The following LGR6 variants were observed in gnomAD, a reference collection of about 807,000 sequenced individuals.
The protein encoded by LGR6 is leucine rich repeat containing G protein-coupled receptor 6.
In LGR6, 45 loss-of-function variants were observed where a neutral mutation model predicts 69.4. The observed-to-expected ratio is 0.65, with a 90% CI of 0.51 to 0.83. The LOEUF (loss-of-function observed/expected upper bound fraction) is 0.83, where lower values mean the gene tolerates loss of function less well. Ranked by LOEUF, LGR6 falls within the 40% of genes least tolerant of loss-of-function variation. LGR6 has a pLI of 0.00. For synonymous variants in LGR6, 538 were observed against 555.0 expected (o/e 0.97, Z 0.43); for missense variants, 1,108 against 1,246.7 (o/e 0.89, Z 1.68).
chr1:202,258,910 A>G (rs1664002926), intron 4 of LGR6, among the ~76,000 whole-genome samples: 1 of 152,064 alleles, frequency 6.6e-6, no homozygotes, highest in Non-Finnish European at 1.5e-5. Flanking sequence ...TTTTCTCATT[A>G]AGTCTGATAC....
intron 1 of LGR6, among the ~76,000 whole-genome samples, chr1:202,224,707 G>A (rs913460963): frequency 2.0e-5 from 3 of 152,200 alleles, no homozygotes; most frequent in African/African-American, 7.2e-5. Context: ...TGCTGCCTCG[G>A]CTGATCTGAC....
intron 3 of LGR6, among the ~76,000 whole-genome samples, chr1:202,235,046 A>G (rs1268198223): frequency 1.3e-5 from 2 of 152,176 alleles, no homozygotes; most frequent in Non-Finnish European, 1.5e-5. Context: ...TCTCTTGCTC[A>G]GGGCTCTGTG....
chr1:202,301,053 G>A (rs1667550270), intron 8 of LGR6, 111 bp from the exon 9 acceptor site: 1 of 1,334,806 alleles, frequency 7.5e-7, no homozygotes, highest in Admixed American at 1.8e-5. Context: ...GCCTTTCCCT[G>A]CATGTTCTTT....
chr1:202,235,291 G>A lies in LGR6; in HGVS notation c.357-631G>A, dbSNP rs75006042. The stretch of plus-strand genomic sequence containing the variant: ...CGTGGGGTTTTGGGACTTAGGTCCT[G>A]GTCCCCAGAGGACAGCTAGTGAGCA... On this transcript the variant is annotated intron_variant, in intron 3 of 17. Transcript: ENST00000367278. Among the ~76,000 whole-genome samples the A allele has an allele frequency of 3.6e-3, 553 of 152,282 alleles. 3 individuals carry two copies. The highest frequency in any genetic ancestry group is 0.012 in the African/African-American group (512 of 41,550).
rs958635265 is a variant in LGR6, at chr1:202,319,738, A to T, written c.*531A>T. ...AGAGATTCACAGTGCATGTTAGTGT[A>T]ATAAAGAGATAAGTCCTACAGTAGT... On this transcript the variant is annotated 3_prime_UTR_variant, in exon 18 of 18. Transcript: ENST00000367278. The T allele has an allele frequency of 5.9e-5, 9 of 153,502 alleles. No homozygotes were observed. The highest frequency in any genetic ancestry group is 1.9e-4 in the African/African-American group (8 of 41,476). 9.5% of individuals were successfully genotyped at this position (153,502 alleles called of 1,614,324 possible). A position where few individuals can be genotyped will look rare whatever the true frequency, so the allele number is the denominator to read the frequency against.
chr1:202,300,628 C>T (rs1330925616), intron 7 of LGR6, among the ~76,000 whole-genome samples: 1 of 151,162 alleles, frequency 6.6e-6, no homozygotes, highest in African/African-American at 2.4e-5. Flanking sequence ...TCATTGCACT[C>T]CAGCCTGGGT....
At chr1:202,304,988 C>G (rs1667878693) in intron 11 of LGR6, among the ~76,000 whole-genome samples, 1 of 152,186 alleles carries the variant, frequency 6.6e-6, no homozygotes, top group Non-Finnish European at 1.5e-5. Context: ...CTCTTGGGAT[C>G]TTGGGACTGT....
rs35998973 is a variant in LGR6 at position 202,266,106 on chromosome 1, T to TA, written c.429-10184dup. ...GGCTACCTAATAATACTTTCCAGATTAAAAAAAAAAAAAAAATAACAGGCA... is the reference window on the plus strand; with the variant it reads ...GGCTACCTAATAATACTTTCCAGATTAAAAAAAAAAAAAAAAATAACAGGCA... On this transcript the variant is annotated intron_variant, in intron 4 of 17. Transcript: ENST00000367278. Among the ~76,000 whole-genome samples, 206 of 143,906 alleles carry TA rather than the reference T, an allele frequency of 1.4e-3. 1 individual carries two copies. Among genetic ancestry groups the TA allele is most frequent in the East Asian group, 3.2e-3 (16 of 5,004 alleles). The allele number at this position is 143,906 out of a possible 152,430, so 94.4% of individuals were successfully genotyped here.
chr1:202,244,747 A>G (rs1662504840), intron 4 of LGR6, among the ~76,000 whole-genome samples: 2 of 152,160 alleles, frequency 1.3e-5, no homozygotes, highest in Admixed American at 6.5e-5. Context: ...GAAGTTGTAT[A>G]TCTTCTGGGG....
chr1:202,313,331 G>C (rs2148309383), intron 16 of LGR6, among the ~76,000 whole-genome samples: 1 of 152,246 alleles, frequency 6.6e-6, no homozygotes. Context: ...TCTCCCATTG[G>C]GGACTTTCTG....
In LGR6 at chr1:202,280,796, C is replaced by A; in HGVS notation, c.660C>A (p.Asn220Lys). Reference sequence around the variant, plus strand: ...TCCCGTGCAGGCATTTGCATAACAACCGCATCCAGCATCTGGGGACCCACA... The same window carrying A: ...TCCCGTGCAGGCATTTGCATAACAAACGCATCCAGCATCTGGGGACCCACA... ...TSLVVLHLHN[N>K]RIQHLGTHSF... is the part of the protein sequence containing the mutation. Residue 220 changes from asparagine to lysine, a missense_variant, in exon 6 of 18, where the codon AAC becomes AAA. Asn to Lys is a moderately conservative substitution (Grantham distance 94). Coordinates refer to ENST00000367278, the MANE Select transcript of LGR6 (RefSeq NM_001017403.2). 2 of 1,614,230 alleles carry A rather than the reference C, an allele frequency of 1.2e-6. No individual in the cohort carries two copies. Among genetic ancestry groups the A allele is most frequent in the Non-Finnish European group, 1.7e-6 (2 of 1,180,032 alleles).
chr1:202,222,408 G>A (rs763984810), intron 1 of LGR6, among the ~76,000 whole-genome samples: 29 of 152,132 alleles, frequency 1.9e-4, no homozygotes, highest in Admixed American at 3.9e-4. Flanking sequence ...TGGTGGGGCA[G>A]AGGGAGTGGG....
rs1219191815 is a variant in LGR6 at position 202,318,530 on chromosome 1, T to C, written c.2227T>C (p.Cys743Arg). The C allele has an allele frequency of 2.5e-6, 4 of 1,614,112 alleles. No individual in the cohort carries two copies. In the South Asian group the frequency reaches 3.3e-5, roughly 13 times the overall value. Residue 743 changes from cysteine (C) to arginine (R), a missense_variant, in exon 18 of 18, where the codon TGT becomes CGT. Transcript: ENST00000367278. ...TVALVMMNSF[C>R]FLVVAGAYIK... Reference sequence around the variant, plus strand: ...GGCCCTGGTGATGATGAACTCCTTCTGTTTCCTGGTCGTGGCCGGTGCCTA... The same window carrying C: ...GGCCCTGGTGATGATGAACTCCTTCCGTTTCCTGGTCGTGGCCGGTGCCTA...
At chr1:202,278,938 GT>G (rs1665799154) in intron 5 of LGR6, among the ~76,000 whole-genome samples, 1 of 152,138 alleles carries the variant, frequency 6.6e-6, no homozygotes, top group Non-Finnish European at 1.5e-5. Flanking sequence ...GTGTAATCTT[GT>G]CTCTTTATCT....
chr1:202,314,138 C>G (rs188187044), intron 16 of LGR6, among the ~76,000 whole-genome samples: 5 of 152,248 alleles, frequency 3.3e-5, no homozygotes, highest in Non-Finnish European at 5.9e-5. Flanking sequence ...TCATAATTTG[C>G]CTCGTTCTAC....
chr1:202,271,924 C>T (rs571364820), intron 4 of LGR6, among the ~76,000 whole-genome samples: 1 of 152,170 alleles, frequency 6.6e-6, no homozygotes, highest in African/African-American at 2.4e-5. Context: ...GTGGAGTCTC[C>T]CTCTAAGGGG....
chr1:202,202,417 C>G (rs1258246133), intron 1 of LGR6, among the ~76,000 whole-genome samples: 1 of 152,196 alleles, frequency 6.6e-6, no homozygotes, highest in Non-Finnish European at 1.5e-5. Context: ...TCCAGCCATC[C>G]CAAGGGATAG....
At chr1:202,241,460 T>C (rs1662194821) in intron 4 of LGR6, among the ~76,000 whole-genome samples, 1 of 152,158 alleles carries the variant, frequency 6.6e-6, no homozygotes, top group Non-Finnish European at 1.5e-5. Context: ...CAGCTGAATG[T>C]GGTACACAAA....
Position 202,318,112 on chromosome 1 carries a change from G to T in LGR6, c.1809G>T (p.Ala603=), listed in dbSNP as rs778001193. The change falls in exon 18 of 18, where the codon GCG becomes GCT. Residue 603 remains alanine, a synonymous_variant. Transcript: ENST00000367278. ...PLPPVKFVVG[A]IAGANTLTGI... ...CCCCGGTCAAGTTTGTGGTAGGTGC[G>T]ATTGCAGGCGCCAACACCTTGACTG... The T allele has an allele frequency of 6.2e-7, 1 of 1,614,132 alleles. No homozygotes were observed. The highest frequency in any genetic ancestry group is 8.5e-7 in the Non-Finnish European group (1 of 1,180,024).
Sources: gnomAD v4.1 joint callset for allele counts (sites outside exome capture counted in the v4.1 genomes callset) on GRCh38, gnomAD v4.1.1 for gene constraint, MANE v1.5 for transcripts, NCBI Gene and HGNC (gene_info 2026-07-23, HGNC 2026-07-21) for gene names.